The following CCSER2 variants were observed in gnomAD, a reference collection of about 807,000 sequenced individuals.
CCSER2 encodes serine-rich coiled-coil domain-containing protein 2.
Under a neutral mutation model 92.3 loss-of-function variants are expected in CCSER2, and 46 were observed. The ratio of observed to expected loss-of-function variants is 0.50; its 90% CI spans 0.39 to 0.64. The LOEUF is 0.64. CCSER2 is among the 30% of genes least tolerant of loss of function. The pLI is 0.00. For missense variants in CCSER2, 1,244 were observed against 1,238.9 expected, an observed-to-expected ratio of 1.00 and a Z score of -0.06; for synonymous variants, 433 against 431.4, an observed-to-expected ratio of 1.00 and a Z score of -0.04.
chr10:84,514,237 T>A lies in CCSER2; in HGVS notation c.3114T>A (p.Tyr1038Ter), dbSNP rs1340813210. The part of the protein sequence containing the change: ...HSGDCLASNR[Y>*]SRLPKPKIH ...GGGATTGTTTGGCCTCTAATCGATA[T>A]TCTCGTCTTCCTAAACCAAAGATAC... is the stretch of plus-strand genomic sequence containing the variant. The change falls in exon 10 of 10, where the codon TAT becomes TAA. Residue 1038 changes from tyrosine (Y) to a stop codon, truncating the protein, a stop_gained. Transcript: ENST00000372088. LOFTEE classifies it high-confidence loss of function. The A allele has an allele frequency of 1.3e-6, 2 of 1,536,046 alleles. No individual in the cohort carries two copies. The highest frequency in any genetic ancestry group is 1.7e-6 in the Non-Finnish European group (2 of 1,146,770).
intron 9 of CCSER2, among the ~76,000 whole-genome samples, chr10:84,504,044 G>A (rs1323328363): frequency 6.6e-6 from 1 of 152,100 alleles, no homozygotes; most frequent in Non-Finnish European, 1.5e-5. Context: ...GATTCACTGT[G>A]TATGTATATT....
chr10:84,410,013 G>T lies in CCSER2; in HGVS notation c.1615-7758G>T, dbSNP rs191050361. Among the ~76,000 whole-genome samples the T allele has an allele frequency of 4.6e-5, 7 of 152,256 alleles. No individual in the cohort carries two copies. In the East Asian group the frequency reaches 1.2e-3, roughly 25 times the overall value. ...TCCCACATGTAAGTGAGAACGTGCG[G>T]TCTTTGGTTTTCTGTTCCTGCGTTA... On this transcript the variant is annotated intron_variant, in intron 3 of 9. Coordinates refer to ENST00000372088, the MANE Select transcript of CCSER2 (RefSeq NM_001284240.2).
At chr10:84,359,037 G>C (rs573402624) in intron 1 of CCSER2, among the ~76,000 whole-genome samples, 1 of 152,232 alleles carries the variant, frequency 6.6e-6, no homozygotes, top group Admixed American at 6.5e-5. Flanking sequence ...AGTGAAGTTT[G>C]CTCTTCAGAA....
At chr10:84,363,784 T>C (rs938252639) in intron 1 of CCSER2, among the ~76,000 whole-genome samples, 13 of 152,196 alleles carry the variant, frequency 8.5e-5, no homozygotes, top group Admixed American at 7.2e-4. Context: ...TGTCCCTTGT[T>C]GTTAGTAGGC....
chr10:84,337,738 A>C (rs1843918936), intron 1 of CCSER2, among the ~76,000 whole-genome samples: 1 of 152,196 alleles, frequency 6.6e-6, no homozygotes, highest in Non-Finnish European at 1.5e-5. Context: ...TATTTTGCCA[A>C]GGTTAAGGAT....
At chr10:84,400,529 C>T (rs1040260317) in intron 3 of CCSER2, among the ~76,000 whole-genome samples, 1 of 152,022 alleles carries the variant, frequency 6.6e-6, no homozygotes, top group Non-Finnish European at 1.5e-5. Flanking sequence ...GGCCATTGAT[C>T]CATTTTATGT....
chr10:84,387,818 G>T (rs550268393), intron 3 of CCSER2, among the ~76,000 whole-genome samples: 3 of 151,954 alleles, frequency 2.0e-5, no homozygotes, highest in Non-Finnish European at 4.4e-5. Flanking sequence ...GTGAGCCACC[G>T]CGCCCGGCCA....
rs1036879937 is a variant in CCSER2 at position 84,445,892 on chromosome 10, A to T, written c.2064+7185A>T. On this transcript the variant is annotated intron_variant, in intron 6 of 9. Coordinates refer to ENST00000372088, the MANE Select transcript of CCSER2 (RefSeq NM_001284240.2). ...GTTTCCTTTTTTGTTGTTTATTATG[A>T]ACAGTTTTGCTGCTGTATTCTAGTA... Among the ~76,000 whole-genome samples the T allele has an allele frequency of 3.9e-5, 6 of 152,130 alleles. 1 individual carries two copies. Among genetic ancestry groups the T allele is most frequent in the Admixed American group, 2.6e-4 (4 of 15,274 alleles).
chr10:84,514,531 ATC>A lies in CCSER2; in HGVS notation c.*265_*266del. 2.1e-6 allele frequency: 1 copy of A among 467,212 alleles called. No individual in the cohort carries two copies. 28.9% of individuals were successfully genotyped at this position (467,212 alleles called of 1,614,324 possible). On this transcript the variant is annotated 3_prime_UTR_variant, in exon 10 of 10. Transcript: ENST00000372088. ...GCCTGCCAAAGGCCCAAATCATGTT[ATC>A]CATCCCTCTCCACGTCAGAAAATTC... is the stretch of plus-strand genomic sequence containing the variant.
At chr10:84,449,632 A>G (rs1026348272) in intron 6 of CCSER2, among the ~76,000 whole-genome samples, 8 of 152,182 alleles carry the variant, frequency 5.3e-5, no homozygotes, top group African/African-American at 1.9e-4. Flanking sequence ...AGGTGGGCAG[A>G]TCACCTGTGG....
intron 3 of CCSER2, among the ~76,000 whole-genome samples, chr10:84,381,017 A>T (rs1263374681): frequency 2.6e-5 from 4 of 152,062 alleles, no homozygotes; most frequent in African/African-American, 9.7e-5. Flanking sequence ...GTTCCTTTTT[A>T]AAAAATATAG....
intron 9 of CCSER2, among the ~76,000 whole-genome samples, chr10:84,511,541 G>A (rs1849347723): frequency 6.6e-6 from 1 of 152,160 alleles, no homozygotes; most frequent in African/African-American, 2.4e-5. Flanking sequence ...AATTGTCACT[G>A]ATATTTTCAG....
At chr10:84,432,286 C>T (rs967800111) in intron 5 of CCSER2, among the ~76,000 whole-genome samples, 15 of 151,938 alleles carry the variant, frequency 9.9e-5, no homozygotes, top group Non-Finnish European at 1.5e-4. Flanking sequence ...TGGGTACATA[C>T]GCAGGTTTGT....
intron 9 of CCSER2, among the ~76,000 whole-genome samples, chr10:84,492,673 A>G (rs1848239002): frequency 1.3e-5 from 2 of 152,212 alleles, no homozygotes; most frequent in Admixed American, 6.5e-5. Flanking sequence ...AGTTTTTATC[A>G]TGAATATGAG....
At chr10:84,349,894 C>G (rs1251663170) in intron 1 of CCSER2, among the ~76,000 whole-genome samples, 1 of 152,196 alleles carries the variant, frequency 6.6e-6, no homozygotes, top group East Asian at 1.9e-4. Flanking sequence ...TGGCTCACGC[C>G]TGTAATCCCA....
At chr10:84,353,091 C>T (rs959083149) in intron 1 of CCSER2, among the ~76,000 whole-genome samples, 1 of 152,232 alleles carries the variant, frequency 6.6e-6, no homozygotes, top group African/African-American at 2.4e-5. Context: ...CGCGCCCAGC[C>T]TAAGATACAA....
At chr10:84,384,017 A>G (rs933952942) in intron 3 of CCSER2, among the ~76,000 whole-genome samples, 7 of 152,178 alleles carry the variant, frequency 4.6e-5, no homozygotes, top group African/African-American at 1.4e-4. Flanking sequence ...GAACATCTCT[A>G]TGTGCACAAA....
Position 84,425,788 on chromosome 10 carries a change from AGGAAGG to A in CCSER2, c.1764_1769del (p.Gln588_Gly590delinsHis). On this transcript the variant is annotated inframe_deletion, in exon 5 of 10. Coordinates refer to ENST00000372088, the MANE Select transcript of CCSER2 (RefSeq NM_001284240.2). ...CCAGACAGAAATGTTCGGCAGCCTC[AGGAAGG>A]TTTTTGGAAAAGGCCACCCCAGAGG... 6.2e-7 allele frequency: 1 copy of A among 1,613,792 alleles called. No individual in the cohort carries two copies. Among genetic ancestry groups the A allele is most frequent in the Non-Finnish European group, 8.5e-7 (1 of 1,179,804 alleles).
At chr10:84,419,364 AAAAAT>A (rs1554844933) in intron 4 of CCSER2, among the ~76,000 whole-genome samples, 1 of 149,912 alleles carries the variant, frequency 6.7e-6, no homozygotes, top group Non-Finnish European at 1.5e-5. Context: ...TCAAAAAAAA[AAAAAT>A]AAAATAAAGA....
Sources: gnomAD v4.1 joint callset for allele counts (sites outside exome capture counted in the v4.1 genomes callset) on GRCh38, gnomAD v4.1.1 for gene constraint, MANE v1.5 for transcripts, NCBI Gene and HGNC (gene_info 2026-07-23, HGNC 2026-07-21) for gene names.